Variants in ADIPOR2 observed in about 807,000 individuals in gnomAD.
The protein encoded by ADIPOR2 is adiponectin receptor protein 2.
ADIPOR2 carries 18 observed loss-of-function variants against 40.9 expected under a neutral mutation model. The observed-to-expected ratio is 0.44, with a 90% CI of 0.30 to 0.65. The LOEUF (loss-of-function observed/expected upper bound fraction) is 0.65, where lower values mean the gene tolerates loss of function less well. ADIPOR2 is among the 30% of genes least tolerant of loss of function. ADIPOR2 has a pLI of 0.09. For missense variants in ADIPOR2, 283 were observed against 479.2 expected (o/e 0.59, Z 3.82); for synonymous variants, 165 against 166.4 (o/e 0.99, Z 0.06).
rs559891022 is a variant in ADIPOR2, at chr12:1,771,224, G to A, written c.172-1618G>A. Among the ~76,000 whole-genome samples, 168 of 152,208 alleles carry A rather than the reference G, an allele frequency of 1.1e-3. 1 individual carries two copies. Among genetic ancestry groups the A allele is most frequent in the African/African-American group, 3.7e-3 (153 of 41,544 alleles). ...AGTGCACGCATGCACACACACGTGC[G>A]CACAGTGGTGTACACCTGTAGCCCC... On this transcript the variant is annotated intron_variant, in intron 2 of 7. Coordinates refer to ENST00000357103, the MANE Select transcript of ADIPOR2 (RefSeq NM_024551.3).
chr12:1,781,457 A>C (rs1260833416), intron 6 of ADIPOR2, among the ~76,000 whole-genome samples: 1 of 151,614 alleles, frequency 6.6e-6, no homozygotes, highest in South Asian at 2.1e-4. Context: ...TTTTGTTGTC[A>C]TTTTCTGTTT....
intron 4 of ADIPOR2, among the ~76,000 whole-genome samples, chr12:1,779,451 G>A (rs896814988): frequency 2.6e-5 from 4 of 152,202 alleles, no homozygotes; most frequent in African/African-American, 9.7e-5. Context: ...CTACATGCAT[G>A]AAATGTCCAG....
At chr12:1,737,909 G>T (rs540384632) in intron 1 of ADIPOR2, among the ~76,000 whole-genome samples, 1 of 152,058 alleles carries the variant, frequency 6.6e-6, no homozygotes, top group African/African-American at 2.4e-5. Flanking sequence ...TCCAATTTAA[G>T]ATTTTGTCCA....
intron 3 of ADIPOR2, among the ~76,000 whole-genome samples, chr12:1,775,678 A>G (rs1174695672): frequency 6.6e-6 from 1 of 152,206 alleles, no homozygotes; most frequent in Non-Finnish European, 1.5e-5. Context: ...AAATTCCCCC[A>G]AAGTAAGGTA....
rs568275259 is a variant in ADIPOR2 at position 1,701,329 on chromosome 12, GT to G, written c.-87+10140del. ...ATTTTGTAGAGATTGGGTTTCGCCT[GT>G]TGCCCAGGCTGGTCTCCTGTGCTCA... is the stretch of plus-strand genomic sequence containing the variant. On this transcript the variant is annotated intron_variant, in intron 1 of 7. Coordinates refer to ENST00000357103, the MANE Select transcript of ADIPOR2 (RefSeq NM_024551.3). 3.7e-3 allele frequency among the ~76,000 whole-genome samples: 566 copies of G among 152,030 alleles called. 4 individuals are homozygous for G. Among genetic ancestry groups the G allele is most frequent in the Non-Finnish European group, 3.9e-3 (268 of 67,976 alleles).
chr12:1,745,891 A>G (rs1043796789), intron 1 of ADIPOR2, among the ~76,000 whole-genome samples: 1 of 150,558 alleles, frequency 6.6e-6, no homozygotes, highest in East Asian at 1.9e-4. Flanking sequence ...ATTGAAATTC[A>G]TGCATAGTGT....
intron 1 of ADIPOR2, among the ~76,000 whole-genome samples, chr12:1,749,876 G>A (rs993320473): frequency 8.6e-6 from 1 of 115,620 alleles, no homozygotes; most frequent in South Asian, 2.7e-4. Context: ...TCATGCTGTT[G>A]TCCAGGCTGG....
chr12:1,766,591 G>GCT (rs2154443955), intron 2 of ADIPOR2, among the ~76,000 whole-genome samples: 1 of 152,250 alleles, frequency 6.6e-6, no homozygotes, highest in East Asian at 1.9e-4. Flanking sequence ...AACTATATTT[G>GCT]CTAAAGTATA....
intron 6 of ADIPOR2, among the ~76,000 whole-genome samples, chr12:1,782,097 C>G (rs1862730564): frequency 2.0e-5 from 3 of 152,188 alleles, no homozygotes; most frequent in Non-Finnish European, 4.4e-5. Flanking sequence ...GCAGCCTTTG[C>G]TTAGCATGTA....
chr12:1,745,595 T>G (rs1236336820), intron 1 of ADIPOR2, among the ~76,000 whole-genome samples: 1 of 152,230 alleles, frequency 6.6e-6, no homozygotes, highest in Non-Finnish European at 1.5e-5. Context: ...ATCTTCAATA[T>G]CATCTTGTCC....
At chr12:1,726,123 C>A (rs1207386654) in intron 1 of ADIPOR2, among the ~76,000 whole-genome samples, 1 of 152,194 alleles carries the variant, frequency 6.6e-6, no homozygotes, top group African/African-American at 2.4e-5. Flanking sequence ...ACTTAAGCAA[C>A]CTTAGTGCTT....
chr12:1,728,987 GA>G (rs1382158759), intron 1 of ADIPOR2, among the ~76,000 whole-genome samples: 2 of 100,484 alleles, frequency 2.0e-5, no homozygotes, highest in African/African-American at 7.3e-5. Context: ...TTTTTAACAA[GA>G]CAGTCATTTG....
In ADIPOR2 at chr12:1,786,064, G is replaced by A; in HGVS notation, c.1153G>A (p.Ala385Thr). 6.2e-7 allele frequency: 1 copy of A among 1,613,776 alleles called. No homozygotes were observed. Among genetic ancestry groups the A allele is most frequent in the Non-Finnish European group, 8.5e-7 (1 of 1,179,980 alleles). Residue 385 changes from alanine to threonine, a missense_variant, in exon 8 of 8, where the codon GCA (alanine) becomes ACA (threonine). Physicochemically the swap from Ala to Thr is moderately conservative, Grantham distance 58 (BLOSUM62 0). Around this residue, in one of 3 missense-constraint regions of ADIPOR2, gnomAD observed 106 missense variants for 149.7 expected, o/e 0.71. Coordinates refer to ENST00000357103, the MANE Select transcript of ADIPOR2 (RefSeq NM_024551.3). The part of the protein sequence containing the change: ...MIGGGCSEED[A>T]L ...CGGCGGGGGCTGCAGTGAAGAGGATGCACTGTGATACCTACCAGTCTCCAG... is the reference window on the plus strand; with the variant it reads ...CGGCGGGGGCTGCAGTGAAGAGGATACACTGTGATACCTACCAGTCTCCAG...
At chr12:1,775,547 C>T (rs1236114378) in intron 3 of ADIPOR2, among the ~76,000 whole-genome samples, 1 of 152,170 alleles carries the variant, frequency 6.6e-6, no homozygotes, top group Admixed American at 6.5e-5. Context: ...GAACATATGA[C>T]TCTTTTGTCT....
At chr12:1,743,235 A>AAAAAAAC (rs1555169135) in intron 1 of ADIPOR2, among the ~76,000 whole-genome samples, 2 of 129,706 alleles carry the variant, frequency 1.5e-5, no homozygotes, top group Non-Finnish European at 3.5e-5. Flanking sequence ...CTACCAAAAA[A>AAAAAAAC]AAAAAAAAAA....
At chr12:1,730,440 A>G (rs1185757611) in intron 1 of ADIPOR2, among the ~76,000 whole-genome samples, 2 of 151,478 alleles carry the variant, frequency 1.3e-5, no homozygotes, top group East Asian at 3.9e-4. Flanking sequence ...ACACGGTGAA[A>G]CCTCGTCTCT....
chr12:1,708,259 G>A (rs182071168), intron 1 of ADIPOR2, among the ~76,000 whole-genome samples: 1 of 151,868 alleles, frequency 6.6e-6, no homozygotes, highest in African/African-American at 2.4e-5. Context: ...GATTAGGAGG[G>A]TAGAGAGGGG....
In ADIPOR2 at chr12:1,780,614, G is replaced by A. The variant is rs1368100581; in HGVS notation, c.627G>A (p.Glu209=). 6.2e-7 allele frequency: 1 copy of A among 1,601,968 alleles called. No homozygotes were observed. Among genetic ancestry groups the A allele is most frequent in the Non-Finnish European group, 8.5e-7 (1 of 1,176,426 alleles). ...WLFHTVYCHS[E]GVSRLFSKLD... is the part of the protein sequence containing the mutation. ...TCCACACAGTCTACTGCCACTCAGA[G>A]GGGGTCTCTCGGCTCTTCTCTAAGT... is the stretch of plus-strand genomic sequence containing the variant. The change falls in exon 5 of 8, where the codon GAG becomes GAA. Residue 209 remains glutamate (E), a synonymous_variant. Coordinates refer to ENST00000357103, the MANE Select transcript of ADIPOR2 (RefSeq NM_024551.3).
At chr12:1,714,276 T>G (rs1159472990) in intron 1 of ADIPOR2, among the ~76,000 whole-genome samples, 1 of 152,120 alleles carries the variant, frequency 6.6e-6, no homozygotes, top group African/African-American at 2.4e-5. Context: ...AGCCTTTCTC[T>G]TATCTCACTT....
Sources: allele counts gnomAD v4.1 joint callset (sites outside exome capture counted in the v4.1 genomes callset), GRCh38; gene constraint gnomAD v4.1.1; regional missense constraint gnomAD v4.1.1; transcripts MANE v1.5; gene names NCBI Gene and HGNC (gene_info 2026-07-23, HGNC 2026-07-21).